Variants in PALS1 observed in about 807,000 individuals in gnomAD.
PALS1 encodes the protein protein associated with LIN7 1, MAGUK p55 family member, also known as protein PALS1.
In PALS1, 31 loss-of-function variants were observed where a neutral mutation model predicts 78.9. The ratio of observed to expected loss-of-function variants is 0.39; its 90% CI spans 0.30 to 0.53. The LOEUF (loss-of-function observed/expected upper bound fraction) is 0.53, where lower values mean the gene tolerates loss of function less well. PALS1 is among the 20% of genes least tolerant of loss of function. The pLI is 0.67. For missense variants in PALS1, 704 were observed against 826.5 expected, an observed-to-expected ratio of 0.85 and a Z score of 1.82; for synonymous variants, 276 against 270.9, an observed-to-expected ratio of 1.02 and a Z score of -0.18.
chr14:67,306,374 T>C (rs2085004242), intron 8 of PALS1, among the ~76,000 whole-genome samples: 2 of 152,132 alleles, frequency 1.3e-5, no homozygotes, highest in Non-Finnish European at 2.9e-5. Context: ...AGACAGAGTC[T>C]TGCTCTGTCG....
intron 13 of PALS1, among the ~76,000 whole-genome samples, chr14:67,321,990 A>G (rs1566579121): frequency 1.3e-5 from 2 of 152,328 alleles, no homozygotes; most frequent in African/African-American, 4.8e-5. Context: ...ATCACAGTGA[A>G]TGCTTGGTTG....
chr14:67,296,660 T>C (rs1277833409), intron 4 of PALS1, among the ~76,000 whole-genome samples: 10 of 151,080 alleles, frequency 6.6e-5, no homozygotes, highest in Admixed American at 6.6e-4. Context: ...AAATTTATGC[T>C]ATGATGGATT....
At chr14:67,269,095 G>A (rs369339019) in intron 1 of PALS1, among the ~76,000 whole-genome samples, 1 of 152,058 alleles carries the variant, frequency 6.6e-6, no homozygotes, top group African/African-American at 2.4e-5. Flanking sequence ...TGCCTCTTCT[G>A]GATATTTCAT....
intron 1 of PALS1, among the ~76,000 whole-genome samples, chr14:67,269,257 T>C (rs549952195): frequency 6.6e-6 from 1 of 152,358 alleles, no homozygotes; most frequent in Admixed American, 6.5e-5. Flanking sequence ...TTTAATAAAT[T>C]CATCAGTTGA....
intron 1 of PALS1, among the ~76,000 whole-genome samples, chr14:67,255,464 TA>T (rs2140468331): frequency 6.6e-6 from 1 of 152,328 alleles, no homozygotes; most frequent in Non-Finnish European, 1.5e-5. Context: ...TCTTACATTT[TA>T]AAATTAAAAA....
chr14:67,301,250 A>C (rs7144928), intron 4 of PALS1, 139 bp from the exon 5 acceptor site: 54,528 of 481,322 alleles, frequency 0.11, 7,538 homozygotes, highest in East Asian at 0.41. Context: ...TGAAAACTCT[A>C]ATAATTCTTT....
chr14:67,281,806 CT>C (rs1029495688), intron 3 of PALS1, among the ~76,000 whole-genome samples: 1 of 141,130 alleles, frequency 7.1e-6, no homozygotes, highest in African/African-American at 3.0e-5. Context: ...CATCATTTCT[CT>C]TAATTTTTTT....
chr14:67,306,265 C>T (rs28584286), intron 8 of PALS1, among the ~76,000 whole-genome samples: 22,608 of 151,890 alleles, frequency 0.15, 3,138 homozygotes, highest in East Asian at 0.41. Flanking sequence ...CCACCGAACC[C>T]GGCCTATTTT....
chr14:67,290,428 G>C (rs2084754888), intron 3 of PALS1, among the ~76,000 whole-genome samples: 1 of 152,184 alleles, frequency 6.6e-6, no homozygotes, highest in Admixed American at 6.5e-5. Flanking sequence ...TATTTGATGA[G>C]GTCTCACTCA....
chr14:67,316,795 T>C, intron 9 of PALS1, 37 bp from the exon 10 acceptor site: 1 of 1,556,912 alleles, frequency 6.4e-7, no homozygotes, highest in Non-Finnish European at 8.7e-7. Context: ...CCTTTTATCT[T>C]AAATATTTTA....
At chr14:67,264,033 C>G (rs2084277637) in intron 1 of PALS1, among the ~76,000 whole-genome samples, 1 of 152,114 alleles carries the variant, frequency 6.6e-6, no homozygotes, top group South Asian at 2.1e-4. Flanking sequence ...ATGCAAGCAC[C>G]TGGGACTACA....
chr14:67,280,837 T>TTCCTTCCTTCCTTCCC (rs1567518239), intron 3 of PALS1, among the ~76,000 whole-genome samples: 13 of 133,446 alleles, frequency 9.7e-5, no homozygotes, highest in African/African-American at 4.1e-4. Flanking sequence ...CCTTCCTTCC[T>TTCCTTCCTTCCTTCCC]TCCTTCCTTC....
intron 4 of PALS1, among the ~76,000 whole-genome samples, chr14:67,298,097 G>A (rs779401812): frequency 5.9e-5 from 9 of 152,076 alleles, no homozygotes; most frequent in Non-Finnish European, 5.9e-5. Flanking sequence ...TGGAAAAGAC[G>A]AAAGAATCAG....
rs368399801 is a variant in PALS1 at position 67,319,547 on chromosome 14, TAGA to T, written c.1370-675_1370-673del. 7.3e-5 allele frequency among the ~76,000 whole-genome samples: 11 copies of T among 151,116 alleles called. No homozygotes were observed. The South Asian group carries it at 8.3e-4, about 11-fold the overall frequency. On this transcript the variant is annotated intron_variant, in intron 11 of 14. Coordinates refer to ENST00000261681, the MANE Select transcript of PALS1 (RefSeq NM_022474.4). ...ATCTTGTGGTTTCCCTGGGCCACAT[TAGA>T]AGAAGAATAGTCTGGGGCCACACGT... is the stretch of plus-strand genomic sequence containing the variant.
intron 1 of PALS1, among the ~76,000 whole-genome samples, chr14:67,259,765 A>G (rs1480576978): frequency 6.6e-6 from 1 of 152,022 alleles, no homozygotes; most frequent in African/African-American, 2.4e-5. Flanking sequence ...AAATAAAATT[A>G]GCCAGGCATG....
At chr14:67,287,632 G>T (rs1442735990) in intron 3 of PALS1, among the ~76,000 whole-genome samples, 1 of 152,192 alleles carries the variant, frequency 6.6e-6, no homozygotes, top group Non-Finnish European at 1.5e-5. Context: ...AATCCAGAAG[G>T]CAGCTTTGGC....
intron 7 of PALS1, among the ~76,000 whole-genome samples, chr14:67,303,007 A>T (rs1163146668): frequency 6.6e-6 from 1 of 152,202 alleles, no homozygotes; most frequent in Non-Finnish European, 1.5e-5. Flanking sequence ...CCGGCATAAT[A>T]ATCACTAGCT....
chr14:67,274,001 C>A (rs2084457541), intron 2 of PALS1, among the ~76,000 whole-genome samples: 1 of 152,074 alleles, frequency 6.6e-6, no homozygotes, highest in Admixed American at 6.5e-5. Context: ...TGTTTAAGTT[C>A]TTTGTAGATT....
intron 10 of PALS1, 37 bp downstream of exon 10, chr14:67,316,940 T>A: frequency 6.5e-7 from 1 of 1,533,090 alleles, no homozygotes; most frequent in Non-Finnish European, 8.9e-7. Context: ...AAATGGTTTC[T>A]TGGGTCTTCA....
Sources: gnomAD v4.1 joint callset for allele counts (sites outside exome capture counted in the v4.1 genomes callset) on GRCh38, gnomAD v4.1.1 for gene constraint, MANE v1.5 for transcripts, NCBI Gene and HGNC (gene_info 2026-07-23, HGNC 2026-07-21) for gene names.